The following HHIPL1 variants were observed in gnomAD, a reference collection of about 807,000 sequenced individuals.
HHIPL1 encodes the protein HHIP-like protein 1.
In HHIPL1, 43 loss-of-function variants were observed where a neutral mutation model predicts 61.8. The ratio of observed to expected loss-of-function variants is 0.70; its 90% CI spans 0.55 to 0.90. The LOEUF is 0.90. Ranked by LOEUF, HHIPL1 falls within the 40% of genes least tolerant of loss-of-function variation. HHIPL1 has a pLI of 0.00. For missense variants in HHIPL1, 1,056 were observed against 1,157.7 expected (o/e 0.91, Z 1.28); for synonymous variants, 482 against 515.8 (o/e 0.93, Z 0.89).
chr14:99,637,526 T>C, the HHIPL1 span, among the ~76,000 whole-genome samples: 1 of 149,632 alleles, frequency 6.7e-6, no homozygotes, highest in Non-Finnish European at 1.5e-5. Context: ...GAGCTGAGAG[T>C]GTGCCACTGT....
At chr14:99,673,949 G>A (rs1384589110) in intron 8 of HHIPL1, among the ~76,000 whole-genome samples, 6 of 149,426 alleles carry the variant, frequency 4.0e-5, no homozygotes, top group East Asian at 2.0e-4. Context: ...AGGGTGCACC[G>A]AGGGGGGTGG....
Position 99,650,264 on chromosome 14 carries a change from G to A in HHIPL1, c.256-1960G>A, listed in dbSNP as rs1289294443. Among the ~76,000 whole-genome samples the A allele has an allele frequency of 2.6e-5, 4 of 152,322 alleles. 1 individual carries two copies. Among genetic ancestry groups the A allele is most frequent in the Admixed American group, 1.3e-4 (2 of 15,304 alleles). On this transcript the variant is annotated intron_variant, in intron 1 of 8. Transcript: ENST00000330710. ...CCAAACGTCCCAGAGGCCTCTTGCTGGAACCCAGCCTGGTCCTCCCTGTGA... is the reference window on the plus strand; with the variant it reads ...CCAAACGTCCCAGAGGCCTCTTGCTAGAACCCAGCCTGGTCCTCCCTGTGA...
At chr14:99,644,682 C>T (rs1595143084), upstream of HHIPL1, among the ~76,000 whole-genome samples, 1 of 152,150 alleles carries the variant, frequency 6.6e-6, no homozygotes, top group East Asian at 1.9e-4. Flanking sequence ...GGAGACTGCT[C>T]CGTCCTCCCT....
Position 99,668,887 on chromosome 14 carries a change from T to A in HHIPL1, c.1730+584T>A. ...TGTCCCAGCTCCTTCCGTGTGCAGC[T>A]CATTGACGTCTCAGCCGTTCATTTT... is the stretch of plus-strand genomic sequence containing the variant. On this transcript the variant is annotated intron_variant, in intron 7 of 8. Transcript: ENST00000330710. This position sits in a 1 kb window ranked among gnomAD's most constrained non-coding sequence, Gnocchi z 4.7. The A allele has an allele frequency of 6.2e-7, 1 of 1,613,746 alleles. No homozygotes were observed. Among genetic ancestry groups the A allele is most frequent in the Non-Finnish European group, 8.5e-7 (1 of 1,179,664 alleles).
At chr14:99,627,508 G>A in the HHIPL1 span, among the ~76,000 whole-genome samples, 24 of 152,210 alleles carry the variant, frequency 1.6e-4, no homozygotes, top group Non-Finnish European at 1.9e-4. This position sits in a 1 kb window ranked among gnomAD's most constrained non-coding sequence, Gnocchi z 4.4. Context: ...GCCACATTCT[G>A]TGCCAGGTGC....
intron 6 of HHIPL1, among the ~76,000 whole-genome samples, chr14:99,663,322 G>A (rs536116040): frequency 6.6e-6 from 1 of 152,188 alleles, no homozygotes; most frequent in African/African-American, 2.4e-5. Context: ...CAGTCCCGAG[G>A]GCTGCTGGTT....
the HHIPL1 span, among the ~76,000 whole-genome samples, chr14:99,629,510 A>T: frequency 3.4e-5 from 5 of 148,096 alleles, no homozygotes; most frequent in East Asian, 6.0e-4. Flanking sequence ...AGACTTCCTG[A>T]TTTTTTTTTT....
chr14:99,659,856 C>CCT, intron 4 of HHIPL1, 100 bp downstream of exon 4: 1 of 520,860 alleles, frequency 1.9e-6, no homozygotes, highest in Non-Finnish European at 2.8e-6. Flanking sequence ...ACCCCCCCCC[C>CCT]CCCGGAGATC....
chr14:99,618,120 C>T, the HHIPL1 span, among the ~76,000 whole-genome samples: 1 of 152,180 alleles, frequency 6.6e-6, no homozygotes, highest in Non-Finnish European at 1.5e-5. Flanking sequence ...TTCTTAGTCA[C>T]ACATCTTGCC....
chr14:99,616,025 T>C, the HHIPL1 span, among the ~76,000 whole-genome samples: 4 of 152,242 alleles, frequency 2.6e-5, no homozygotes, highest in Non-Finnish European at 4.4e-5. Flanking sequence ...GGCCATACCA[T>C]GGCTCAGCTG....
chr14:99,678,822 T>C lies in HHIPL1; in HGVS notation c.*3196T>C, dbSNP rs1318685375. 1.3e-5 allele frequency: 2 copies of C among 152,226 alleles called. No individual in the cohort carries two copies. Among genetic ancestry groups the C allele is most frequent in the Non-Finnish European group, 2.9e-5 (2 of 68,050 alleles). The allele number at this position is 152,226 out of a possible 1,614,324, so 9.4% of individuals were successfully genotyped here. ...AGAATAGGGCTTGACAAAGAGTTAT[T>C]AGCATAAAGCAAGGAGGTTTGAAGG... On this transcript the variant is annotated 3_prime_UTR_variant, in exon 9 of 9. Transcript: ENST00000330710.
At chr14:99,619,150 C>T in the HHIPL1 span, among the ~76,000 whole-genome samples, 3 of 152,064 alleles carry the variant, frequency 2.0e-5, no homozygotes, top group African/African-American at 4.8e-5. Flanking sequence ...TTACAGATGC[C>T]GCAACTAAGA....
chr14:99,633,658 G>A, the HHIPL1 span, among the ~76,000 whole-genome samples: 2 of 152,186 alleles, frequency 1.3e-5, no homozygotes, highest in South Asian at 2.1e-4. Flanking sequence ...TAACTATCCC[G>A]CTTACTAAAT....
the HHIPL1 span, among the ~76,000 whole-genome samples, chr14:99,636,721 T>C: frequency 6.6e-6 from 1 of 151,616 alleles, no homozygotes; most frequent in Non-Finnish European, 1.5e-5. Flanking sequence ...GGCGTGGTGG[T>C]GCATGCATGT....
the HHIPL1 span, among the ~76,000 whole-genome samples, chr14:99,636,547 C>T: frequency 6.6e-6 from 1 of 152,124 alleles, no homozygotes; most frequent in Non-Finnish European, 1.5e-5. Flanking sequence ...GTCTGAGCTG[C>T]TTTTTGGTGA....
chr14:99,664,506 C>A (rs923388741), intron 6 of HHIPL1, among the ~76,000 whole-genome samples: 1 of 151,408 alleles, frequency 6.6e-6, no homozygotes, highest in Non-Finnish European at 1.5e-5. Context: ...TGTGGAAAAC[C>A]AGGAGGAGGC....
the HHIPL1 span, among the ~76,000 whole-genome samples, chr14:99,616,655 T>G: frequency 6.6e-6 from 1 of 152,092 alleles, no homozygotes; most frequent in Non-Finnish European, 1.5e-5. Context: ...GGCAGGGACT[T>G]TTTTGGTTTT....
upstream of HHIPL1, among the ~76,000 whole-genome samples, chr14:99,642,498 A>G (rs890418647): frequency 6.8e-6 from 1 of 148,128 alleles, no homozygotes. Flanking sequence ...TTTCTGTTAC[A>G]TTGTTTTTGA....
chr14:99,661,421 A>AGAAGGAAGGAGGGAAGGAAG (rs1555378187), intron 5 of HHIPL1, among the ~76,000 whole-genome samples: 3 of 143,406 alleles, frequency 2.1e-5, no homozygotes, highest in African/African-American at 7.9e-5. Context: ...GAGAGAGAAA[A>AGAAGGAAGGAGGGAAGGAAG]GAAGGAAGGA....
Sources: allele counts gnomAD v4.1 joint callset (sites outside exome capture counted in the v4.1 genomes callset), GRCh38; gene constraint gnomAD v4.1.1; non-coding constraint Gnocchi (gnomAD v3.1); transcripts MANE v1.5; gene names NCBI Gene and HGNC (gene_info 2026-07-23, HGNC 2026-07-21).